Variants in RPF2 observed in about 807,000 individuals in gnomAD.
The protein encoded by RPF2 is brix domain containing 1.
A neutral mutation model predicts 38.9 loss-of-function variants in RPF2; 21 were observed. That is an observed-to-expected ratio of 0.54 (90% CI 0.38 to 0.78). The LOEUF (loss-of-function observed/expected upper bound fraction) is 0.78, where lower values mean the gene tolerates loss of function less well. Ranked by LOEUF, RPF2 falls within the 30% of genes least tolerant of loss-of-function variation. RPF2 has a pLI of 0.00. For missense variants in RPF2, 314 were observed against 358.1 expected, an observed-to-expected ratio of 0.88 and a Z score of 0.99; for synonymous variants, 121 against 126.2, an observed-to-expected ratio of 0.96 and a Z score of 0.28.
At chr6:111,018,223 G>C (rs1772166965) in intron 8 of RPF2, among the ~76,000 whole-genome samples, 1 of 151,806 alleles carries the variant, frequency 6.6e-6, no homozygotes, top group Admixed American at 6.6e-5. Context: ...GGGAGGGAGA[G>C]GGAGAGGGAG....
intron 7 of RPF2, among the ~76,000 whole-genome samples, chr6:111,009,560 C>T (rs985231175): frequency 2.0e-5 from 3 of 152,188 alleles, no homozygotes; most frequent in South Asian, 4.1e-4. Flanking sequence ...ACTTCATATA[C>T]ACTGCTTCAT....
Position 111,008,074 on chromosome 6 carries a change from A to G in RPF2, c.430A>G (p.Ile144Val). 1.3e-6 allele frequency: 2 copies of G among 1,591,950 alleles called. No homozygotes were observed. Among genetic ancestry groups the G allele is most frequent in the Non-Finnish European group, 1.7e-6 (2 of 1,171,328 alleles). The change falls in exon 7 of 10, where the codon ATA becomes GTA. Residue 144 changes from isoleucine (I) to valine (V), a missense_variant. Physicochemically the swap from Ile to Val is conservative, Grantham distance 29. Coordinates refer to ENST00000441448, the MANE Select transcript of RPF2 (RefSeq NM_032194.3). ...KCPEGTKPML[I>V]FAGDDFDVTE... ...TCCTGAGGGAACAAAACCCATGCTGATATTTGCTGGCGATGATTTCGATGT... is the reference window on the plus strand; with the variant it reads ...TCCTGAGGGAACAAAACCCATGCTGGTATTTGCTGGCGATGATTTCGATGT...
intron 6 of RPF2, among the ~76,000 whole-genome samples, chr6:111,004,549 G>GT (rs10617821): frequency 2.9e-3 from 405 of 141,328 alleles, no homozygotes; most frequent in Middle Eastern, 4.0e-3. Flanking sequence ...AAGTATTGGG[G>GT]TTTTTTTTTT....
chr6:111,016,068 C>T (rs564071675), intron 8 of RPF2, among the ~76,000 whole-genome samples: 2 of 152,326 alleles, frequency 1.3e-5, no homozygotes, highest in South Asian at 2.1e-4. Context: ...TCTGATGCTG[C>T]ACTGTCGCTG....
chr6:110,992,445 CTT>C (rs56993092), intron 4 of RPF2, among the ~76,000 whole-genome samples: 13 of 141,414 alleles, frequency 9.2e-5, no homozygotes, highest in Non-Finnish European at 9.3e-5. Flanking sequence ...GATGTTTTTA[CTT>C]TTTTTTTTTT....
At chr6:111,015,151 A>C (rs749315342) in intron 7 of RPF2, among the ~76,000 whole-genome samples, 2 of 152,234 alleles carry the variant, frequency 1.3e-5, no homozygotes, top group African/African-American at 2.4e-5. Flanking sequence ...ATAAATACGT[A>C]GTAAATTATA....
In RPF2 at chr6:110,997,175, T is replaced by C. The variant is rs781357708; in HGVS notation, c.235-8T>C. 3 of 1,541,192 alleles carry C rather than the reference T, an allele frequency of 1.9e-6. No individual in the cohort carries two copies. In the Admixed American group the frequency reaches 5.1e-5, roughly 26 times the overall value. On this transcript the variant is annotated splice_polypyrimidine_tract_variant and splice_region_variant and intron_variant, in intron 4 of 9. Coordinates refer to ENST00000441448, the MANE Select transcript of RPF2 (RefSeq NM_032194.3). ...CATGGACTAAATGGGATTTATTTGG[T>C]TTTATAGGAATTCTTTTCAAAGAAG...
chr6:111,020,071 C>T (rs908545105), intron 8 of RPF2, among the ~76,000 whole-genome samples: 10 of 152,118 alleles, frequency 6.6e-5, no homozygotes, highest in Admixed American at 2.6e-4. Flanking sequence ...CCCGCCACCA[C>T]GCCCGGCTAA....
chr6:110,994,730 T>TACACACACAC (rs1483788093), intron 4 of RPF2, among the ~76,000 whole-genome samples: 6 of 97,246 alleles, frequency 6.2e-5, no homozygotes, highest in Non-Finnish European at 9.9e-5. Context: ...GGGATGAGTA[T>TACACACACAC]ATATACACAC....
intron 7 of RPF2, among the ~76,000 whole-genome samples, chr6:111,012,196 C>T (rs1003721846): frequency 1.6e-4 from 21 of 131,880 alleles, no homozygotes; most frequent in Non-Finnish European, 3.0e-4. Flanking sequence ...GAGACAGGGT[C>T]TCACTCTGTT....
At chr6:111,003,662 A>AT (rs1266227072) in intron 6 of RPF2, among the ~76,000 whole-genome samples, 1 of 151,804 alleles carries the variant, frequency 6.6e-6, no homozygotes. Context: ...TCTCTACAAA[A>AT]TTTTTTTTTA....
chr6:111,017,991 A>G (rs1276993998), intron 8 of RPF2, among the ~76,000 whole-genome samples: 2 of 152,098 alleles, frequency 1.3e-5, no homozygotes, highest in African/African-American at 4.8e-5. Flanking sequence ...CTGGCAGATC[A>G]CTCGCGGTTA....
In RPF2 at chr6:111,003,694, T is replaced by C. The variant is rs79974850; in HGVS notation, c.393+3907T>C. The stretch of plus-strand genomic sequence containing the variant: ...TTTAAATTAGCCTTGCTTGGTGGCA[T>C]GTGCCTGTAGTCCCATCTACTTGAG... On this transcript the variant is annotated intron_variant, in intron 6 of 9. Coordinates refer to ENST00000441448, the MANE Select transcript of RPF2 (RefSeq NM_032194.3). 0.011 allele frequency among the ~76,000 whole-genome samples: 1,678 copies of C among 152,198 alleles called. 103 individuals carry two copies. The East Asian group carries it at 0.16, about 15-fold the overall frequency.
chr6:110,997,450 T>C (rs1359812487), intron 5 of RPF2, among the ~76,000 whole-genome samples, 186 bp downstream of exon 5: 1 of 152,022 alleles, frequency 6.6e-6, no homozygotes, highest in Non-Finnish European at 1.5e-5. Flanking sequence ...TTAAAAAGTT[T>C]TAGAGCAGGG....
chr6:111,017,772 G>A (rs1243290383), intron 8 of RPF2, among the ~76,000 whole-genome samples: 1 of 150,822 alleles, frequency 6.6e-6, no homozygotes, highest in Non-Finnish European at 1.5e-5. Flanking sequence ...CAGACGATGG[G>A]CAGCCAGGCA....
intron 8 of RPF2, among the ~76,000 whole-genome samples, chr6:111,018,361 A>G (rs752406843): frequency 2.6e-5 from 4 of 152,168 alleles, no homozygotes; most frequent in Admixed American, 6.5e-5. Context: ...CTTTCTCTGT[A>G]CATTGAGTTT....
In RPF2 at chr6:111,025,458, T is replaced by C; in HGVS notation, c.797T>C (p.Ile266Thr). 1 of 1,612,978 alleles carries C rather than the reference T, an allele frequency of 6.2e-7. No individual in the cohort carries two copies. Among genetic ancestry groups the C allele is most frequent in the East Asian group, 2.2e-5 (1 of 44,854 alleles). The part of the protein sequence containing the change: ...HDTFGTTYGR[I>T]HMQKQDLSKL... ...ACTTTTGGTACAACTTATGGAAGGA[T>C]TCATATGCAGAAGCAAGACCTAAGC... Residue 266 changes from isoleucine to threonine, a missense_variant, in exon 10 of 10, where the codon ATT (isoleucine) becomes ACT (threonine). Transcript: ENST00000441448.
chr6:110,996,806 T>C (rs920662163), intron 4 of RPF2, among the ~76,000 whole-genome samples: 1 of 152,198 alleles, frequency 6.6e-6, no homozygotes, highest in Non-Finnish European at 1.5e-5. Flanking sequence ...TGTTTCGTTT[T>C]GTTTTGTTTT....
At chr6:111,014,842 T>G (rs1772079760) in intron 7 of RPF2, among the ~76,000 whole-genome samples, 2 of 152,204 alleles carry the variant, frequency 1.3e-5, no homozygotes, top group Admixed American at 6.5e-5. Flanking sequence ...AAGTTATTGT[T>G]TGAGACAGGG....
Sources: gnomAD v4.1 joint callset for allele counts (sites outside exome capture counted in the v4.1 genomes callset) on GRCh38, gnomAD v4.1.1 for gene constraint, MANE v1.5 for transcripts, NCBI Gene and HGNC (gene_info 2026-07-23, HGNC 2026-07-21) for gene names.